SLA2: variants seen among roughly 807,000 people sequenced by gnomAD.
The protein encoded by SLA2 is Src like adaptor 2.
A neutral mutation model predicts 27.3 loss-of-function variants in SLA2; 22 were observed. That is an observed-to-expected ratio of 0.81 (90% CI 0.58 to 1.15). The LOEUF (loss-of-function observed/expected upper bound fraction) is 1.15, where lower values mean the gene tolerates loss of function less well. Among genes scored for constraint, SLA2 ranks in the 50% most tolerant of loss-of-function variants. The pLI, the probability that SLA2 is intolerant of heterozygous loss-of-function variation, is 0.00. For missense variants in SLA2, 304 were observed against 322.2 expected, an observed-to-expected ratio of 0.94 and a Z score of 0.43; for synonymous variants, 131 against 137.8, an observed-to-expected ratio of 0.95 and a Z score of 0.34.
intron 2 of SLA2, among the ~76,000 whole-genome samples, chr20:36,637,105 G>A (rs1181655085): frequency 6.6e-6 from 1 of 150,922 alleles, no homozygotes; most frequent in African/African-American, 2.4e-5. Flanking sequence ...ATCAGTGTTT[G>A]CTTGTCAGCA....
intron 7 of SLA2, 81 bp from the exon 8 acceptor site, chr20:36,614,067 C>CAA: frequency 6.4e-7 from 1 of 1,573,658 alleles, no homozygotes; most frequent in African/African-American, 1.4e-5. Context: ...GCACTGTTCT[C>CAA]AAAACCCTTC....
intron 1 of SLA2, among the ~76,000 whole-genome samples, chr20:36,642,822 C>T (rs1337442280): frequency 1.3e-5 from 2 of 152,104 alleles, no homozygotes; most frequent in Admixed American, 1.3e-4. Context: ...CGACCTCAGG[C>T]GATCCGCCCT....
intron 5 of SLA2, among the ~76,000 whole-genome samples, chr20:36,622,519 TCAG>T (rs1351948219): frequency 5.9e-5 from 9 of 151,900 alleles, no homozygotes; most frequent in Non-Finnish European, 1.2e-4. Flanking sequence ...TACCATCAAT[TCAG>T]CAGCTTAAAA....
At chr20:36,634,077 T>TCCC (rs1401365545) in intron 3 of SLA2, among the ~76,000 whole-genome samples, 1 of 151,932 alleles carries the variant, frequency 6.6e-6, no homozygotes, top group East Asian at 1.9e-4. Flanking sequence ...AACCTCCTCC[T>TCCC]CCCAGGTTCA....
intron 2 of SLA2, among the ~76,000 whole-genome samples, chr20:36,635,301 C>T (rs1254888901): frequency 1.3e-5 from 2 of 151,198 alleles, no homozygotes; most frequent in African/African-American, 4.9e-5. Flanking sequence ...GTAAGGATTC[C>T]TTAGCACATA....
chr20:36,643,656 A>G (rs1485379235), intron 1 of SLA2, among the ~76,000 whole-genome samples: 1 of 152,136 alleles, frequency 6.6e-6, no homozygotes, highest in African/African-American at 2.4e-5. Context: ...TTGACATGGG[A>G]ATAACAATAC....
At chr20:36,627,641 C>T (rs943421280) in intron 5 of SLA2, among the ~76,000 whole-genome samples, 1 of 152,220 alleles carries the variant, frequency 6.6e-6, no homozygotes, top group African/African-American at 2.4e-5. Flanking sequence ...AGAGGGGCTG[C>T]TGCTGGGGCC....
chr20:36,618,271 G>A (rs918424985), intron 5 of SLA2, among the ~76,000 whole-genome samples: 1 of 151,802 alleles, frequency 6.6e-6, no homozygotes, highest in Non-Finnish European at 1.5e-5. Flanking sequence ...TCAGACAATA[G>A]AATTCAAAAG....
At chr20:36,625,408 A>G (rs1046625367) in intron 5 of SLA2, among the ~76,000 whole-genome samples, 2 of 152,046 alleles carry the variant, frequency 1.3e-5, no homozygotes, top group African/African-American at 4.8e-5. Flanking sequence ...TATTTTTAAT[A>G]GAGATGGGGT....
At chr20:36,639,697 C>CAAA (rs74173988) in intron 2 of SLA2, among the ~76,000 whole-genome samples, 117 of 136,918 alleles carry the variant, frequency 8.5e-4, no homozygotes, top group African/African-American at 3.1e-3. Flanking sequence ...ACTAAAAATA[C>CAAA]AAAAAAAAAA....
intron 5 of SLA2, among the ~76,000 whole-genome samples, chr20:36,631,235 C>T (rs543380100): frequency 6.6e-6 from 1 of 152,296 alleles, no homozygotes; most frequent in South Asian, 2.1e-4. Flanking sequence ...TCACTGCACC[C>T]TGGAACTCCT....
chr20:36,626,045 A>C (rs962717373), intron 5 of SLA2, among the ~76,000 whole-genome samples: 9 of 151,878 alleles, frequency 5.9e-5, no homozygotes, highest in Non-Finnish European at 1.0e-4. Context: ...TGGGTGGATC[A>C]CTTGAGGTCA....
Position 36,641,258 on chromosome 20 carries a change from C to A in SLA2, c.78G>T (p.Val26=). The change falls in exon 2 of 8, where the codon GTG becomes GTT. Residue 26 remains valine (V), a synonymous_variant. Transcript: ENST00000262866. ...CCTGAGGCCTACCTGCTTCCATGGT[C>A]ACAGGTCCCTGGCCTTGGACAGAGG... is the stretch of plus-strand genomic sequence containing the variant. ...LSSSVQGQGP[V]TMEAERSKAT... 1.2e-6 allele frequency: 2 copies of A among 1,613,872 alleles called. No homozygotes were observed. Among genetic ancestry groups the A allele is most frequent in the South Asian group, 2.2e-5 (2 of 91,018 alleles).
intron 5 of SLA2, among the ~76,000 whole-genome samples, chr20:36,623,287 A>C (rs570336195): frequency 1.3e-5 from 2 of 151,902 alleles, no homozygotes; most frequent in South Asian, 2.1e-4. Context: ...AAAAAAAAAA[A>C]AAATCGACAG....
intron 5 of SLA2, among the ~76,000 whole-genome samples, chr20:36,621,817 A>G (rs1340304739): frequency 2.0e-5 from 3 of 151,940 alleles, no homozygotes; most frequent in Non-Finnish European, 4.4e-5. Flanking sequence ...GGAATTTGAG[A>G]CAAGCCTGGA....
intron 5 of SLA2, 133 bp from the exon 6 acceptor site, chr20:36,615,507 C>T: frequency 1.1e-6 from 1 of 908,786 alleles, no homozygotes; most frequent in South Asian, 1.6e-5. Flanking sequence ...AGAAGCAGGA[C>T]AAAGACTTGC....
At chr20:36,634,808 A>AG (rs1438389905) in intron 2 of SLA2, among the ~76,000 whole-genome samples, 160 of 150,830 alleles carry the variant, frequency 1.1e-3, no homozygotes, top group African/African-American at 3.8e-3. Flanking sequence ...AGAGAGAGAG[A>AG]AAGAAAGAAA....
At position 36,612,388 on chromosome 20, in the gene SLA2, C is replaced by T. The variant is rs566919258; in HGVS notation, c.*1478G>A. ...AGATGAAACATTAAATTGTCTTCCT[C>T]GATTCTCCATCGGGTGTAGAGTTTT... On this transcript the variant is annotated 3_prime_UTR_variant, in exon 8 of 8. Coordinates refer to ENST00000262866, the MANE Select transcript of SLA2 (RefSeq NM_032214.4). 2.4e-4 allele frequency: 162 copies of T among 676,576 alleles called. 1 individual carries two copies. Among genetic ancestry groups the T allele is most frequent in the South Asian group, 3.7e-5 (2 of 54,672 alleles). 41.9% of individuals were successfully genotyped at this position (676,576 alleles called of 1,614,324 possible).
intron 5 of SLA2, among the ~76,000 whole-genome samples, chr20:36,625,843 A>G (rs899423983): frequency 4.2e-4 from 64 of 151,066 alleles, no homozygotes; most frequent in African/African-American, 1.3e-3. Flanking sequence ...AAAAAAAAAA[A>G]GCTGGGTGTG....
Sources: gnomAD v4.1 joint callset for allele counts (sites outside exome capture counted in the v4.1 genomes callset) on GRCh38, gnomAD v4.1.1 for gene constraint, MANE v1.5 for transcripts, NCBI Gene and HGNC (gene_info 2026-07-23, HGNC 2026-07-21) for gene names.